The following DHRSX variants were observed in gnomAD, a reference collection of about 807,000 sequenced individuals.
DHRSX encodes the protein dehydrogenase/reductase X-linked.
DHRSX carries 31 observed loss-of-function variants against 34.0 expected under a neutral mutation model. That is an observed-to-expected ratio of 0.91 (90% CI 0.69 to 1.23). The LOEUF is 1.23. Among genes scored for constraint, DHRSX ranks in the 50% most tolerant of loss-of-function variants. The probability of loss-of-function intolerance (pLI) is 0.00; values close to 1 mark genes in which losing one functional copy is unlikely to be tolerated. For missense variants in DHRSX, 414 were observed against 428.1 expected (o/e 0.97, Z 0.29); for synonymous variants, 201 against 183.8 (o/e 1.09, Z -0.76).
intron 3 of DHRSX, among the ~76,000 whole-genome samples, chrX:2,367,399 C>G (rs747877619): frequency 2.7e-5 from 4 of 148,916 alleles, no homozygotes; most frequent in South Asian, 4.2e-4. Flanking sequence ...GCTTGTGCCA[C>G]TGCACTCCAG....
chrX:2,319,536 C>G (rs2042282038), intron 3 of DHRSX, among the ~76,000 whole-genome samples: 1 of 104,370 alleles, frequency 9.6e-6, no homozygotes, highest in Non-Finnish European at 2.1e-5. Context: ...GAGTGAGACT[C>G]CATCTCAAAA....
intron 1 of DHRSX, among the ~76,000 whole-genome samples, chrX:2,435,071 T>C (rs1257925335): frequency 3.1e-5 from 4 of 130,474 alleles, no homozygotes; most frequent in Non-Finnish European, 6.5e-5. Flanking sequence ...GGAGAGGAGG[T>C]TGAGGTAGGA....
intron 1 of DHRSX, chrX:2,490,530 A>G: frequency 6.2e-7 from 1 of 1,613,948 alleles, no homozygotes; most frequent in Non-Finnish European, 8.5e-7. Context: ...AGGTGGTAGG[A>G]CAGGTTGGAG....
intron 3 of DHRSX, among the ~76,000 whole-genome samples, chrX:2,406,683 C>T (rs746789197): frequency 1.1e-4 from 17 of 152,156 alleles, no homozygotes; most frequent in African/African-American, 2.4e-4. Context: ...TCAGGTGATC[C>T]ACCCGCCTCG....
At chrX:2,316,148 C>T (rs1230533157) in intron 3 of DHRSX, among the ~76,000 whole-genome samples, 2 of 151,224 alleles carry the variant, frequency 1.3e-5, no homozygotes, top group Non-Finnish European at 2.9e-5. Context: ...AGGCGTGAGC[C>T]ACCGCGCCCG....
chrX:2,386,222 GA>G (rs1372200041), intron 3 of DHRSX, among the ~76,000 whole-genome samples: 1 of 151,510 alleles, frequency 6.6e-6, no homozygotes, highest in Admixed American at 6.6e-5. Flanking sequence ...GAGAGAGAAA[GA>G]AAGAGAGAGA....
intron 1 of DHRSX, among the ~76,000 whole-genome samples, chrX:2,435,313 T>C (rs1003053423): frequency 2.6e-5 from 4 of 152,160 alleles, no homozygotes; most frequent in African/African-American, 9.7e-5. Context: ...CAATGCATTA[T>C]TGCCTGAATG....
chrX:2,292,399 C>A (rs1490207816), intron 3 of DHRSX, among the ~76,000 whole-genome samples: 1 of 152,186 alleles, frequency 6.6e-6, no homozygotes, highest in Non-Finnish European at 1.5e-5. Context: ...CCCAGTGAGA[C>A]CCCGAAGAGA....
chrX:2,346,133 C>G (rs1176897896), intron 3 of DHRSX, among the ~76,000 whole-genome samples: 7 of 152,066 alleles, frequency 4.6e-5, no homozygotes, highest in African/African-American at 1.2e-4. Context: ...TTTCTACTCA[C>G]TCTCTAAAAT....
intron 3 of DHRSX, among the ~76,000 whole-genome samples, chrX:2,386,156 ATTATTTATTTAT>A (rs768572407): frequency 0.32 from 45,767 of 143,814 alleles, 7,467 homozygotes; most frequent in South Asian, 0.46. Flanking sequence ...TAGATAATCA[ATTATTTATTTAT>A]TTATTTATTT....
chrX:2,321,705 G>C (rs1422700983), intron 3 of DHRSX, among the ~76,000 whole-genome samples: 1 of 151,956 alleles, frequency 6.6e-6, no homozygotes, highest in Non-Finnish European at 1.5e-5. Context: ...ATAAATTTCT[G>C]TTATTTATGC....
chrX:2,251,904 G>A (rs185147726), intron 5 of DHRSX, among the ~76,000 whole-genome samples: 1 of 152,172 alleles, frequency 6.6e-6, no homozygotes, highest in East Asian at 1.9e-4. Context: ...GTTGGGGTGG[G>A]GTAGGAGGGG....
intron 3 of DHRSX, among the ~76,000 whole-genome samples, chrX:2,367,243 G>A (rs1006312307): frequency 2.0e-5 from 3 of 151,880 alleles, no homozygotes; most frequent in Non-Finnish European, 2.9e-5. Flanking sequence ...TTCAAGACCA[G>A]CCTGACCAAC....
chrX:2,238,733 G>A (rs1423962264), intron 6 of DHRSX, among the ~76,000 whole-genome samples: 1 of 150,702 alleles, frequency 6.6e-6, no homozygotes. Flanking sequence ...ACACACACGC[G>A]CCACCACACT....
chrX:2,470,789 T>C lies in DHRSX; in HGVS notation c.109+30028A>G, dbSNP rs1187709811. On this transcript the variant is annotated intron_variant, in intron 1 of 6. Transcript: ENST00000334651. ...CAAGTTCTATCACACCACACAGTGA[T>C]GATAGTTAATAATACATCACGTCTT... 2.6e-5 allele frequency among the ~76,000 whole-genome samples: 4 copies of C among 152,194 alleles called. No individual in the cohort carries two copies. In the East Asian group the frequency reaches 7.7e-4, roughly 29 times the overall value.
chrX:2,357,664 C>G (rs751639856), intron 3 of DHRSX, among the ~76,000 whole-genome samples: 2 of 135,090 alleles, frequency 1.5e-5, no homozygotes, highest in Non-Finnish European at 3.1e-5. Context: ...TATGGGAAAA[C>G]GAGATTTGTC....
chrX:2,302,624 T>TAAATAAAC (rs1294478227), intron 3 of DHRSX, among the ~76,000 whole-genome samples: 5 of 151,626 alleles, frequency 3.3e-5, no homozygotes, highest in African/African-American at 1.2e-4. Flanking sequence ...AATAAATAAA[T>TAAATAAAC]AAATAAATAA....
intron 3 of DHRSX, among the ~76,000 whole-genome samples, chrX:2,327,467 C>G (rs1179079690): frequency 6.6e-6 from 1 of 152,194 alleles, no homozygotes; most frequent in Non-Finnish European, 1.5e-5. Context: ...TGAGCATCAC[C>G]TTGTTGTAAG....
At chrX:2,489,277 C>T in intron 1 of DHRSX, 6 of 1,613,958 alleles carry the variant, frequency 3.7e-6, no homozygotes, top group Non-Finnish European at 5.1e-6. Flanking sequence ...GGAAGGGCAG[C>T]CTCTTGTAGC....
Sources: allele counts gnomAD v4.1 joint callset (sites outside exome capture counted in the v4.1 genomes callset), GRCh38; gene constraint gnomAD v4.1.1; transcripts MANE v1.5; gene names NCBI Gene and HGNC (gene_info 2026-07-23, HGNC 2026-07-21).